Variants in GUCY2D observed in about 807,000 individuals in gnomAD.
GUCY2D encodes the protein guanylate cyclase 2D, retinal.
A neutral mutation model predicts 101.3 loss-of-function variants in GUCY2D; 70 were observed. The ratio of observed to expected loss-of-function variants is 0.69; its 90% CI spans 0.57 to 0.84. The LOEUF is 0.84. GUCY2D is among the 40% of genes least tolerant of loss of function. GUCY2D has a pLI of 0.00. For synonymous variants in GUCY2D, 688 were observed against 670.7 expected (o/e 1.03, Z -0.40); for missense variants, 1,460 against 1,542.5 (o/e 0.95, Z 0.90).
intron 7 of GUCY2D, 56 bp from the exon 8 acceptor site, chr17:8,009,450 C>T: frequency 9.1e-7 from 1 of 1,093,352 alleles, no homozygotes; most frequent in South Asian, 1.2e-5. Context: ...TTCTAGGGCT[C>T]CCCATCGTGG....
At chr17:8,009,151 AT>A (rs1471992529) in intron 7 of GUCY2D, among the ~76,000 whole-genome samples, 1 of 152,106 alleles carries the variant, frequency 6.6e-6, no homozygotes, top group African/African-American at 2.4e-5. Context: ...ATCTACCCAG[AT>A]TTTTTACTCC....
Position 8,007,178 on chromosome 17 carries a change from C to A in GUCY2D, c.1463+34C>A, listed in dbSNP as rs745816219. On this transcript the variant is annotated intron_variant, in intron 5 of 19. Transcript: ENST00000254854. ...TGGAATGAGGTAAGTAGGAAGTGAG[C>A]TTGTGCCAGAAATGGAAGTCTGCAG... is the stretch of plus-strand genomic sequence containing the variant. 6 of 1,489,348 alleles carry A rather than the reference C, an allele frequency of 4.0e-6. No homozygotes were observed. The African/African-American group carries it at 6.9e-5, about 17-fold the overall frequency. 92.3% of individuals were successfully genotyped at this position (1,489,348 alleles called of 1,614,324 possible).
chr17:8,019,461 C>T (rs1976033447), intron 19 of GUCY2D, among the ~76,000 whole-genome samples: 1 of 152,168 alleles, frequency 6.6e-6, no homozygotes, highest in South Asian at 2.1e-4. Context: ...TTCCTTCCCA[C>T]CTTCACTCAG....
rs1389913804 is a variant in GUCY2D, at chr17:8,003,773, G to C, written c.721+5G>C. ...GGGACGGGCCCAGGGTCACAGGTAG[G>C]CTCCCTTGCAGGGTGCGAGGAGGTC... is the stretch of plus-strand genomic sequence containing the variant. On this transcript the variant is annotated splice_donor_5th_base_variant and intron_variant, in intron 2 of 19. Transcript: ENST00000254854. The C allele has an allele frequency of 6.2e-7, 1 of 1,600,238 alleles. No individual in the cohort carries two copies. Among genetic ancestry groups the C allele is most frequent in the Admixed American group, 1.7e-5 (1 of 59,952 alleles).
rs1352907426 is a variant in GUCY2D at position 8,002,785 on chromosome 17, G to A, written c.-10+51G>A. The A allele has an allele frequency of 2.1e-6, 1 of 487,242 alleles. No homozygotes were observed. The highest frequency in any genetic ancestry group is 2.1e-5 in the African/African-American group (1 of 48,666). The allele number at this position is 487,242 out of a possible 1,614,324, so 30.2% of individuals were successfully genotyped here. A position where few individuals can be genotyped will look rare whatever the true frequency, so the allele number is the denominator to read the frequency against. On this transcript the variant is annotated intron_variant, in intron 1 of 19. Coordinates refer to ENST00000254854, the MANE Select transcript of GUCY2D (RefSeq NM_000180.4). The surrounding 1 kb of genome is among the most constrained non-coding windows in gnomAD (Gnocchi z 4.9). ...GGATAGGGTCGGTCTGAGGGCGCAG[G>A]CGAGTCCCTGCTGACCCCTGACGCC...
rs1975852760 is a variant in GUCY2D, at chr17:8,011,643, C to G, written c.1750-501C>G. On this transcript the variant is annotated intron_variant, in intron 8 of 19. Coordinates refer to ENST00000254854, the MANE Select transcript of GUCY2D (RefSeq NM_000180.4). The surrounding 1 kb of genome is among the most constrained non-coding windows in gnomAD (Gnocchi z 4.3). ...TTCAAGACCAGCCTGGGCAACATAG[C>G]AAGGCTCCCATCTCTACAGAAAAAA... Among the ~76,000 whole-genome samples, 1 of 152,178 alleles carries G rather than the reference C, an allele frequency of 6.6e-6. No homozygotes were observed. The highest frequency in any genetic ancestry group is 3.4e-3 in the Middle Eastern group (1 of 290).
chr17:8,006,755 T>C (rs1212274699), intron 4 of GUCY2D, 41 bp downstream of exon 4: 3 of 1,489,344 alleles, frequency 2.0e-6, no homozygotes, highest in South Asian at 1.2e-5. Context: ...ACAATCGCCA[T>C]GGACCATCCA....
At chr17:8,009,241 T>C (rs1050830680) in intron 7 of GUCY2D, among the ~76,000 whole-genome samples, 1 of 152,208 alleles carries the variant, frequency 6.6e-6, no homozygotes, top group Non-Finnish European at 1.5e-5. Context: ...TTAATGCACT[T>C]AATAGGACTA....
Position 8,014,622 on chromosome 17 carries a change from C to T in GUCY2D, c.2434C>T (p.Arg812Trp), listed in dbSNP as rs894774212. ...CTAGTTCAAGAACATCAACAAGGGC[C>T]GGAAGACGAACATCATTGACTCGAT... ...FDLFKNINKG[R>W]KTNIIDSMLR... Residue 812 changes from arginine to tryptophan, a missense_variant, in exon 13 of 20, where the codon CGG (arginine) becomes TGG (tryptophan). By Grantham distance (101) the Arg-to-Trp change is moderately radical (BLOSUM62 -3). Around this residue, in one of 3 missense-constraint regions of GUCY2D, gnomAD observed 1,196 missense variants for 1,229.6 expected, o/e 0.97. Coordinates refer to ENST00000254854, the MANE Select transcript of GUCY2D (RefSeq NM_000180.4). The surrounding 1 kb of genome is among the most constrained non-coding windows in gnomAD (Gnocchi z 4.0). The T allele has an allele frequency of 5.0e-6, 8 of 1,613,966 alleles. No homozygotes were observed. The highest frequency in any genetic ancestry group is 3.3e-5 in the Admixed American group (2 of 60,000).
rs766837655 is a variant in GUCY2D, at chr17:8,003,677, G to A, written c.630G>A (p.Leu210=). ...SLSTALRARG[L]PVASVTSMEP... is the part of the protein sequence containing the mutation. ...CCACGGCACTCAGGGCCCGGGGCCT[G>A]CCTGTCGCCTCCGTGACTTCCATGG... Residue 210 remains leucine, a synonymous_variant, in exon 2 of 20, where the codon CTG becomes CTA. Transcript: ENST00000254854. The A allele has an allele frequency of 9.4e-6, 15 of 1,596,676 alleles. No individual in the cohort carries two copies. The highest frequency in any genetic ancestry group is 1.2e-5 in the Non-Finnish European group (14 of 1,178,870).
At chr17:8,012,686 C>A in intron 10 of GUCY2D, 80 bp downstream of exon 10, 1 of 1,114,262 alleles carries the variant, frequency 9.0e-7, no homozygotes, top group Admixed American at 1.7e-5. Context: ...CTCCCTACCT[C>A]TGCCCTCGCA....
At chr17:8,012,636 A>C (rs1439883712) in intron 10 of GUCY2D, 30 bp downstream of exon 10, 1 of 1,577,948 alleles carries the variant, frequency 6.3e-7, no homozygotes, top group Admixed American at 1.7e-5. Flanking sequence ...ACGAGGATCC[A>C]CCGGGATCCC....
intron 19 of GUCY2D, chr17:8,016,795 C>T: frequency 3.8e-6 from 2 of 529,510 alleles, no homozygotes; most frequent in East Asian, 3.3e-5. Context: ...TGGCCCCTCC[C>T]CTGGCCCTAT....
chr17:8,015,109 G>C, intron 14 of GUCY2D, 58 bp downstream of exon 14: 5 of 1,463,124 alleles, frequency 3.4e-6, no homozygotes, highest in Non-Finnish European at 4.8e-6. Context: ...CCAGCCTCCA[G>C]CCCAGCCCTT....
intron 8 of GUCY2D, among the ~76,000 whole-genome samples, 162 bp downstream of exon 8, chr17:8,009,748 G>A (rs1975814274): frequency 6.6e-6 from 1 of 152,130 alleles, no homozygotes; most frequent in African/African-American, 2.4e-5. Flanking sequence ...GCAGATGTGA[G>A]GGAGGATCAC....
rs760662744 is a variant in GUCY2D, at chr17:8,009,476, A to T, written c.1669-30A>T. ...CCCATCGTGGGATTTTAAGAGACTG[A>T]GTTCCCTACCCCCATCCTCTTTGCT... On this transcript the variant is annotated intron_variant, in intron 7 of 19. Coordinates refer to ENST00000254854, the MANE Select transcript of GUCY2D (RefSeq NM_000180.4). The T allele has an allele frequency of 4.1e-6, 6 of 1,466,024 alleles. No homozygotes were observed. In the South Asian group the frequency reaches 5.7e-5, roughly 14 times the overall value. The allele number at this position is 1,466,024 out of a possible 1,614,324, so 90.8% of individuals were successfully genotyped here. A position where few individuals can be genotyped will look rare whatever the true frequency, so the allele number is the denominator to read the frequency against.
intron 15 of GUCY2D, 106 bp from the exon 16 acceptor site, chr17:8,015,637 T>C (rs1975953193): frequency 9.3e-6 from 11 of 1,184,162 alleles, no homozygotes; most frequent in African/African-American, 1.5e-5. Context: ...CAAGGCTTAT[T>C]TGGGGGGCTG....
At position 8,013,651 on chromosome 17, in the gene GUCY2D, G is replaced by A; in HGVS notation, c.2264-229G>A. ...TTACATACAATATGTTAGTTTCTTT[G>A]CCTATGTCACCTCTTACTGACCCCC... On this transcript the variant is annotated intron_variant, in intron 11 of 19. Coordinates refer to ENST00000254854, the MANE Select transcript of GUCY2D (RefSeq NM_000180.4). This position sits in a 1 kb window ranked among gnomAD's most constrained non-coding sequence, Gnocchi z 5.0. The A allele has an allele frequency of 1.7e-6, 1 of 596,500 alleles. No individual in the cohort carries two copies. Among genetic ancestry groups the A allele is most frequent in the Non-Finnish European group, 3.0e-6 (1 of 334,646 alleles). 37.0% of individuals were successfully genotyped at this position (596,500 alleles called of 1,614,324 possible).
At chr17:8,010,524 T>C (rs1344999030) in intron 8 of GUCY2D, among the ~76,000 whole-genome samples, 1 of 151,936 alleles carries the variant, frequency 6.6e-6, no homozygotes, top group Non-Finnish European at 1.5e-5. Flanking sequence ...AAATGAAAAG[T>C]ATCTGGGCGC....
Sources: allele counts gnomAD v4.1 joint callset (sites outside exome capture counted in the v4.1 genomes callset), GRCh38; gene constraint gnomAD v4.1.1; regional missense constraint gnomAD v4.1.1; non-coding constraint Gnocchi (gnomAD v3.1); transcripts MANE v1.5; gene names NCBI Gene and HGNC (gene_info 2026-07-23, HGNC 2026-07-21).